Variants in HOMER1 observed in about 807,000 individuals in gnomAD.
The protein encoded by HOMER1 is homer protein homolog 1.
HOMER1 carries 3 observed loss-of-function variants against 48.9 expected under a neutral mutation model. The observed-to-expected ratio is 0.06, with a 90% CI of 0.03 to 0.16. The LOEUF (loss-of-function observed/expected upper bound fraction) is 0.16. Ranked by LOEUF, HOMER1 falls within the 10% of genes least tolerant of loss-of-function variation. HOMER1 has a pLI of 1.00. For missense variants in HOMER1, 247 were observed against 411.4 expected, an observed-to-expected ratio of 0.60 and a Z score of 3.46; for synonymous variants, 134 against 146.4, an observed-to-expected ratio of 0.92 and a Z score of 0.61.
chr5:79,452,103 C>G (rs77938134), intron 2 of HOMER1, among the ~76,000 whole-genome samples: 2,567 of 152,220 alleles, frequency 0.017, 68 homozygotes, highest in African/African-American at 0.057. Flanking sequence ...CCTGCATATA[C>G]GAGGTCAACT....
In HOMER1 at chr5:79,513,094, C is replaced by T. The variant is rs898229477; in HGVS notation, c.-320G>A. ...AATGCAGAATCCGGCTTCACCGAGT[C>T]CTATAAAAAATGAGTTCGCTGGTCA... On this transcript the variant is annotated 5_prime_UTR_variant, in exon 1 of 9. Coordinates refer to ENST00000334082, the MANE Select transcript of HOMER1 (RefSeq NM_004272.5). 21 of 387,052 alleles carry T rather than the reference C, an allele frequency of 5.4e-5. No individual in the cohort carries two copies. The highest frequency in any genetic ancestry group is 8.4e-5 in the Non-Finnish European group (18 of 214,824). 24.0% of individuals were successfully genotyped at this position (387,052 alleles called of 1,614,324 possible).
At chr5:79,385,885 A>G (rs546331650) in intron 8 of HOMER1, among the ~76,000 whole-genome samples, 1 of 148,152 alleles carries the variant, frequency 6.7e-6, no homozygotes, top group Non-Finnish European at 1.5e-5. Flanking sequence ...TCTTACTGCA[A>G]TTACAATGGC....
intron 1 of HOMER1, among the ~76,000 whole-genome samples, chr5:79,503,855 G>A (rs960280423): frequency 1.3e-5 from 2 of 152,320 alleles, no homozygotes; most frequent in Admixed American, 1.3e-4. Context: ...GGAGGAAGAG[G>A]AGGAAGGGTT....
rs1355589483 is a variant in HOMER1, at chr5:79,393,005, T to C, written c.876+3818A>G. Among the ~76,000 whole-genome samples the C allele has an allele frequency of 2.3e-5, 3 of 130,628 alleles. No individual in the cohort carries two copies. The Admixed American group carries it at 2.3e-4, about 10-fold the overall frequency. The allele number at this position is 130,628 out of a possible 152,430, so 85.7% of individuals were successfully genotyped here. The stretch of plus-strand genomic sequence containing the variant: ...AGAGAGAGAAGAGAGCCATCCAGAA[T>C]AAAACAAAGCAAATATAGCCAAAAT... On this transcript the variant is annotated intron_variant, in intron 8 of 8. Transcript: ENST00000334082.
intron 3 of HOMER1, among the ~76,000 whole-genome samples, chr5:79,450,525 G>A (rs1580458631): frequency 1.3e-5 from 2 of 152,224 alleles, no homozygotes. Context: ...ATCAGAGCTC[G>A]GAGTATTCCA....
At chr5:79,497,399 C>T (rs1752456901) in intron 1 of HOMER1, among the ~76,000 whole-genome samples, 1 of 152,054 alleles carries the variant, frequency 6.6e-6, no homozygotes, top group Admixed American at 6.6e-5. Flanking sequence ...CCTGTAATCC[C>T]AGCACTTTGG....
At chr5:79,395,185 T>C (rs971957999) in intron 8 of HOMER1, among the ~76,000 whole-genome samples, 1 of 152,222 alleles carries the variant, frequency 6.6e-6, no homozygotes, top group African/African-American at 2.4e-5. Flanking sequence ...TTAGAGCTAA[T>C]GTAAGTTAAG....
chr5:79,510,999 C>T (rs1388254505), intron 1 of HOMER1: 1 of 381,746 alleles, frequency 2.6e-6, no homozygotes, highest in East Asian at 4.1e-5. Context: ...GCTATTTGTA[C>T]AAAGAAACCT....
At chr5:79,391,778 A>G (rs1351499874) in intron 8 of HOMER1, among the ~76,000 whole-genome samples, 1 of 152,030 alleles carries the variant, frequency 6.6e-6, no homozygotes, top group Non-Finnish European at 1.5e-5. Context: ...AACTTCACAA[A>G]GTAGACACAT....
chr5:79,440,033 C>T (rs1365567961), intron 4 of HOMER1, among the ~76,000 whole-genome samples: 1 of 151,520 alleles, frequency 6.6e-6, no homozygotes, highest in Non-Finnish European at 1.5e-5. Context: ...TCTTATGATC[C>T]CTGGGCAAAA....
At chr5:79,424,570 T>C (rs191775479) in intron 5 of HOMER1, among the ~76,000 whole-genome samples, 1 of 152,174 alleles carries the variant, frequency 6.6e-6, no homozygotes, top group Non-Finnish European at 1.5e-5. Flanking sequence ...AGAGTTATTA[T>C]TTCTAAACTT....
chr5:79,485,038 G>C (rs1035452575), intron 1 of HOMER1, among the ~76,000 whole-genome samples: 4 of 152,048 alleles, frequency 2.6e-5, no homozygotes, highest in Admixed American at 2.6e-4. Flanking sequence ...TGGGGGCTGA[G>C]AAACCTGATA....
At chr5:79,454,523 C>T (rs1751111913) in intron 2 of HOMER1, among the ~76,000 whole-genome samples, 2 of 151,894 alleles carry the variant, frequency 1.3e-5, no homozygotes, top group Admixed American at 6.6e-5. Flanking sequence ...AAATCAGTTA[C>T]AAAATATGAC....
chr5:79,513,016 G>A lies in HOMER1; in HGVS notation c.-242C>T. The A allele has an allele frequency of 1.7e-6, 1 of 574,484 alleles. No homozygotes were observed. Among genetic ancestry groups the A allele is most frequent in the East Asian group, 3.0e-5 (1 of 33,628 alleles). 35.6% of individuals were successfully genotyped at this position (574,484 alleles called of 1,614,324 possible). Reference sequence around the variant, plus strand: ...TTGCTTATTCGAGTTAAAATGCTTTGCGGAGGAGACAGCGATCAACTCTAT... The same window carrying A: ...TTGCTTATTCGAGTTAAAATGCTTTACGGAGGAGACAGCGATCAACTCTAT... On this transcript the variant is annotated 5_prime_UTR_variant, in exon 1 of 9. Transcript: ENST00000334082.
intron 5 of HOMER1, among the ~76,000 whole-genome samples, chr5:79,416,177 TC>T (rs1458165673): frequency 2.6e-5 from 4 of 152,216 alleles, no homozygotes; most frequent in African/African-American, 9.6e-5. Flanking sequence ...ATAATTTAAA[TC>T]AAACCCAGTC....
chr5:79,379,774 C>T (rs1484504544), intron 8 of HOMER1, among the ~76,000 whole-genome samples: 1 of 151,784 alleles, frequency 6.6e-6, no homozygotes, highest in Non-Finnish European at 1.5e-5. Context: ...CAAACTCATT[C>T]TTCTGCTCAT....
At chr5:79,418,213 T>A (rs754907626) in intron 5 of HOMER1, among the ~76,000 whole-genome samples, 1 of 152,232 alleles carries the variant, frequency 6.6e-6, no homozygotes, top group Non-Finnish European at 1.5e-5. Context: ...AAAAGTATTA[T>A]GCAAATGAAT....
intron 5 of HOMER1, among the ~76,000 whole-genome samples, chr5:79,424,777 C>T (rs572215930): frequency 6.6e-6 from 1 of 152,136 alleles, no homozygotes; most frequent in East Asian, 1.9e-4. Context: ...GATCAGGTTG[C>T]TTATTTTTGA....
At chr5:79,453,607 T>G (rs1220754789) in intron 2 of HOMER1, among the ~76,000 whole-genome samples, 1 of 152,192 alleles carries the variant, frequency 6.6e-6, no homozygotes, top group Non-Finnish European at 1.5e-5. Flanking sequence ...CTCTCAACCC[T>G]GGAGTTCTAG....
Sources: allele counts gnomAD v4.1 joint callset (sites outside exome capture counted in the v4.1 genomes callset), GRCh38; gene constraint gnomAD v4.1.1; transcripts MANE v1.5; gene names NCBI Gene and HGNC (gene_info 2026-07-23, HGNC 2026-07-21).